MMUT: variants seen among roughly 807,000 people sequenced by gnomAD.
The protein encoded by MMUT is methylmalonyl-CoA mutase, mitochondrial.
MMUT carries 79 observed loss-of-function variants against 79.9 expected under a neutral mutation model. The ratio of observed to expected loss-of-function variants is 0.99; its 90% CI spans 0.82 to 1.19. The LOEUF (loss-of-function observed/expected upper bound fraction) is 1.19. Among genes scored for constraint, MMUT ranks in the 50% most tolerant of loss-of-function variants. The pLI is 0.00. For synonymous variants in MMUT, 273 were observed against 295.7 expected (o/e 0.92, Z 0.79); for missense variants, 860 against 917.2 (o/e 0.94, Z 0.81).
chr6:49,432,346 T>C (rs1420293055), intron 12 of MMUT, among the ~76,000 whole-genome samples: 3 of 152,038 alleles, frequency 2.0e-5, no homozygotes, highest in African/African-American at 7.2e-5. Flanking sequence ...TTTTTTTCAT[T>C]CTCTGTTGCT....
intron 12 of MMUT, among the ~76,000 whole-genome samples, chr6:49,434,052 T>A (rs1157582792): frequency 3.3e-5 from 5 of 152,170 alleles, no homozygotes. Context: ...AACAGGCATT[T>A]TTTTTTTCTC....
Position 49,441,890 on chromosome 6 carries a change from T to C in MMUT, c.1758A>G (p.Ala586=), listed in dbSNP as rs201138975. 3 of 1,612,338 alleles carry C rather than the reference T, an allele frequency of 1.9e-6. No homozygotes were observed. Among genetic ancestry groups the C allele is most frequent in the Middle Eastern group, 1.7e-4 (1 of 6,050 alleles). ...TACTTTCTCCAAATTCCTGGCGATA[T>C]GCTCCACTCACCATTCGATCATTCG... ...HKANDRMVSG[A]YRQEFGESKE... Residue 586 remains alanine, a synonymous_variant, in exon 10 of 13, where the codon GCA becomes GCG. Coordinates refer to ENST00000274813, the MANE Select transcript of MMUT (RefSeq NM_000255.4).
At chr6:49,460,250 C>T (rs1050864211) in intron 1 of MMUT, among the ~76,000 whole-genome samples, 1 of 152,184 alleles carries the variant, frequency 6.6e-6, no homozygotes, top group Non-Finnish European at 1.5e-5. Context: ...TTAATCTTTA[C>T]AATACCCCTA....
intron 12 of MMUT, among the ~76,000 whole-genome samples, chr6:49,434,177 G>T (rs1283866942): frequency 6.6e-6 from 1 of 151,974 alleles, no homozygotes; most frequent in African/African-American, 2.4e-5. Context: ...GAAGCGTTCT[G>T]TAGACAGACT....
intron 12 of MMUT, among the ~76,000 whole-genome samples, chr6:49,434,160 G>A (rs1015146007): frequency 3.9e-5 from 6 of 151,990 alleles, no homozygotes; most frequent in Admixed American, 1.3e-4. Context: ...AAACTGCAAC[G>A]CTGATAGAAG....
chr6:49,439,124 C>T (rs1390074848), intron 11 of MMUT, among the ~76,000 whole-genome samples: 1 of 152,198 alleles, frequency 6.6e-6, no homozygotes, highest in South Asian at 2.1e-4. Flanking sequence ...TCAAGCTGGA[C>T]CACATATATA....
At position 49,456,234 on chromosome 6, in the gene MMUT, T is replaced by C. The variant is rs1430422252; in HGVS notation, c.757A>G (p.Met253Val). 2.5e-6 allele frequency: 4 copies of C among 1,606,730 alleles called. No homozygotes were observed. Among genetic ancestry groups the C allele is most frequent in the Admixed American group, 1.7e-5 (1 of 59,930 alleles). ...ATTGAAATTGAATTAAATTTTGGCA[T>C]GTGCTACATAAAAAAAAAAATTGTA... ...ADIFEYTAKH[M>V]PKFNSISISG... The change falls in exon 4 of 13, where the codon ATG (methionine) becomes GTG (valine). Residue 253 changes from methionine (M) to valine (V), a missense_variant. By Grantham distance (21) the Met-to-Val change is conservative (BLOSUM62 1). Coordinates refer to ENST00000274813, the MANE Select transcript of MMUT (RefSeq NM_000255.4).
chr6:49,431,885 G>A lies in MMUT; in HGVS notation c.2125-29C>T, dbSNP rs1172235941. On this transcript the variant is annotated intron_variant, in intron 12 of 12. Coordinates refer to ENST00000274813, the MANE Select transcript of MMUT (RefSeq NM_000255.4). ...TTGAAAGAATGTGTTTAATTAATAA[G>A]AGCCACTATTTCCATTTTCACGGAA... is the stretch of plus-strand genomic sequence containing the variant. 2.5e-6 allele frequency: 4 copies of A among 1,607,678 alleles called. No homozygotes were observed. The South Asian group carries it at 4.4e-5, about 18-fold the overall frequency.
At chr6:49,450,146 G>A (rs1015986480) in intron 6 of MMUT, among the ~76,000 whole-genome samples, 4 of 151,016 alleles carry the variant, frequency 2.6e-5, no homozygotes, top group Non-Finnish European at 4.4e-5. Context: ...CAGGAGAATC[G>A]CTTGAACTAG....
At chr6:49,450,088 G>A (rs539992128) in intron 6 of MMUT, among the ~76,000 whole-genome samples, 4 of 151,822 alleles carry the variant, frequency 2.6e-5, no homozygotes, top group South Asian at 2.1e-4. Flanking sequence ...AAAATTATCC[G>A]GGTGTGGTGG....
chr6:49,453,865 C>A, intron 4 of MMUT, 109 bp from the exon 5 acceptor site: 4 of 942,174 alleles, frequency 4.2e-6, no homozygotes, highest in Non-Finnish European at 6.6e-6. Context: ...ATTTTAATTT[C>A]GAAGAACTTA....
chr6:49,438,431 C>T (rs1032394626), intron 11 of MMUT, among the ~76,000 whole-genome samples: 1 of 152,012 alleles, frequency 6.6e-6, no homozygotes, highest in African/African-American at 2.4e-5. Context: ...TTCACCAATC[C>T]CATGTGGGCT....
intron 2 of MMUT, 22 bp from the exon 3 acceptor site, chr6:49,458,080 A>C: frequency 6.3e-7 from 1 of 1,597,684 alleles, no homozygotes. Context: ...AAGAAAAATA[A>C]TGTAAGATTC....
At position 49,440,184 on chromosome 6, in the gene MMUT, TCCC is replaced by T; in HGVS notation, c.1956+19_1956+21del. 6.2e-7 allele frequency: 1 copy of T among 1,613,616 alleles called. No individual in the cohort carries two copies. The highest frequency in any genetic ancestry group is 1.1e-5 in the South Asian group (1 of 91,064). ...AGTGACTAGTAAATACTTTTGAAAT[TCCC>T]CCCAACAGTTTTTAGTACCTGGAAA... On this transcript the variant is annotated intron_variant, in intron 11 of 12. Transcript: ENST00000274813.
At position 49,448,867 on chromosome 6, in the gene MMUT, T is replaced by C; in HGVS notation, c.1393A>G (p.Lys465Glu). The C allele has an allele frequency of 6.2e-7, 1 of 1,613,736 alleles. No homozygotes were observed. Among genetic ancestry groups the C allele is most frequent in the Non-Finnish European group, 8.5e-7 (1 of 1,179,728 alleles). ...GCAGCACATTCTTCAATTCGAAGTT[T>C]AGGTATTCCCTCAGCTACAGCTTTG... is the stretch of plus-strand genomic sequence containing the variant. ...MAKAVAEGIP[K>E]LRIEECAARR... The change falls in exon 7 of 13, where the codon AAA (lysine) becomes GAA (glutamate). Residue 465 changes from lysine to glutamate, a missense_variant. Physicochemically the swap from Lys to Glu is moderately conservative, Grantham distance 56. Transcript: ENST00000274813.
chr6:49,461,386 A>G (rs1767837198), intron 1 of MMUT, among the ~76,000 whole-genome samples: 1 of 152,232 alleles, frequency 6.6e-6, no homozygotes, highest in African/African-American at 2.4e-5. Context: ...AAACTCAAAA[A>G]GTAGTAAGTA....
In MMUT at chr6:49,451,655, C is replaced by T. The variant is rs1767556787; in HGVS notation, c.1143G>A (p.Gly381=). The change falls in exon 6 of 13, where the codon GGG becomes GGA. Residue 381 remains glycine, a synonymous_variant. Transcript: ENST00000274813. Reference sequence around the variant, plus strand: ...AAGAATTTGTGTGCAAAGACTGAGTCCCTCCAAATACTGCTGCCATTGCTT... The same window carrying T: ...AAGAATTTGTGTGCAAAGACTGAGTTCCTCCAAATACTGCTGCCATTGCTT... ...AIEAMAAVFG[G]TQSLHTNSFD... is the part of the protein sequence containing the mutation. 6.2e-7 allele frequency: 1 copy of T among 1,613,912 alleles called. No individual in the cohort carries two copies. Among genetic ancestry groups the T allele is most frequent in the African/African-American group, 1.3e-5 (1 of 74,904 alleles).
intron 1 of MMUT, among the ~76,000 whole-genome samples, chr6:49,460,008 C>T (rs1051915783): frequency 6.6e-6 from 1 of 152,136 alleles, no homozygotes; most frequent in Admixed American, 6.6e-5. Context: ...TCTGTTTCCC[C>T]CTCAGACCCA....
chr6:49,431,824 G>A lies in MMUT; in HGVS notation c.2157C>T (p.Ser719=). 5 of 1,613,690 alleles carry A rather than the reference G, an allele frequency of 3.1e-6. No individual in the cohort carries two copies. Among genetic ancestry groups the A allele is most frequent in the Non-Finnish European group, 4.2e-6 (5 of 1,179,716 alleles). ...TTCGAGTCCCAGGACCAAATACATT[G>A]GAAACACCAACTTCAAACAGAAATT... ...DYEFLFEVGV[S]NVFGPGTRIP... Residue 719 remains serine (S), a synonymous_variant, in exon 13 of 13, where the codon TCC becomes TCT. Coordinates refer to ENST00000274813, the MANE Select transcript of MMUT (RefSeq NM_000255.4).
Sources: gnomAD v4.1 joint callset for allele counts (sites outside exome capture counted in the v4.1 genomes callset) on GRCh38, gnomAD v4.1.1 for gene constraint, MANE v1.5 for transcripts, NCBI Gene and HGNC (gene_info 2026-07-23, HGNC 2026-07-21) for gene names.